NAA25: variants seen among roughly 807,000 people sequenced by gnomAD.
NAA25 encodes the protein N-alpha-acetyltransferase 25, NatB auxiliary subunit, also known as N-terminal acetyltransferase B complex subunit NAA25.
NAA25 carries 30 observed loss-of-function variants against 132.5 expected under a neutral mutation model. The ratio of observed to expected loss-of-function variants is 0.23; its 90% CI spans 0.17 to 0.31. The LOEUF is 0.31. Among genes scored for constraint, NAA25 ranks in the 10% least tolerant of loss-of-function variants. NAA25 has a pLI of 1.00. For synonymous variants in NAA25, 359 were observed against 401.9 expected (o/e 0.89, Z 1.28); for missense variants, 771 against 1,150.4 (o/e 0.67, Z 4.77).
chr12:112,068,209 T>C (rs145635277), intron 11 of NAA25, among the ~76,000 whole-genome samples: 2 of 152,276 alleles, frequency 1.3e-5, no homozygotes, highest in Non-Finnish European at 2.9e-5. Context: ...CTGGCTGTAC[T>C]TCACATTCAA....
chr12:112,094,021 C>T (rs918266994), intron 1 of NAA25, among the ~76,000 whole-genome samples: 25 of 151,932 alleles, frequency 1.6e-4, no homozygotes, highest in Admixed American at 1.1e-3. Context: ...GGGTGGATCA[C>T]GAAGTCAGGA....
chr12:112,053,580 A>C lies in NAA25; in HGVS notation c.1706T>G (p.Phe569Cys), dbSNP rs1293596152. The change falls in exon 15 of 24, where the codon TTT (phenylalanine) becomes TGT (cysteine). Residue 569 changes from phenylalanine to cysteine, a missense_variant. Coordinates refer to ENST00000261745, the MANE Select transcript of NAA25 (RefSeq NM_024953.4). ...TACATCTTTCTGGTTGGAGTGAAAA[A>C]ACCTGAGTGCGAAGTTACAGGATTG... The part of the protein sequence containing the change: ...ASQSCNFALR[F>C]FHSNQKDTSE... 1.9e-6 allele frequency: 3 copies of C among 1,606,992 alleles called. No individual in the cohort carries two copies.
intron 1 of NAA25, among the ~76,000 whole-genome samples, chr12:112,098,991 CTT>C (rs545549893): frequency 7.6e-5 from 11 of 144,518 alleles, no homozygotes; most frequent in Admixed American, 1.4e-4. Flanking sequence ...TTGCTAGTAT[CTT>C]TTTTTTTTTT....
At chr12:112,056,865 T>C (rs905132403) in intron 13 of NAA25, among the ~76,000 whole-genome samples, 3 of 152,190 alleles carry the variant, frequency 2.0e-5, no homozygotes, top group African/African-American at 7.2e-5. Flanking sequence ...TTCTCTCACC[T>C]ATAAAACTGT....
At chr12:112,062,393 T>G (rs113502586) in intron 11 of NAA25, among the ~76,000 whole-genome samples, 5 of 119,452 alleles carry the variant, frequency 4.2e-5, no homozygotes, top group South Asian at 2.6e-4. Context: ...AGAGCGAGAC[T>G]CCATCTCAAA....
At chr12:112,040,666 TA>T (rs992028832) in intron 20 of NAA25, 88 bp from the exon 21 acceptor site, 3 of 708,876 alleles carry the variant, frequency 4.2e-6, no homozygotes, top group African/African-American at 3.7e-5. Context: ...AATAAGCAAA[TA>T]AAAATTTAAT....
intron 13 of NAA25, among the ~76,000 whole-genome samples, chr12:112,056,961 G>A (rs376970384): frequency 9.9e-5 from 15 of 152,112 alleles, no homozygotes; most frequent in African/African-American, 2.2e-4. Context: ...AGGCTGAGGC[G>A]GGCGGATCAC....
chr12:112,078,788 A>G, intron 5 of NAA25, 47 bp from the exon 6 acceptor site: 1 of 1,448,182 alleles, frequency 6.9e-7, no homozygotes, highest in South Asian at 1.2e-5. Flanking sequence ...CCCTGCTTGC[A>G]CTATTGATAT....
At chr12:112,032,082 G>A (rs2078156520) in intron 23 of NAA25, among the ~76,000 whole-genome samples, 1 of 151,566 alleles carries the variant, frequency 6.6e-6, no homozygotes. Flanking sequence ...CCCTGCCTCA[G>A]CCTCCCGAGT....
Position 112,049,140 on chromosome 12 carries a change from C to T in NAA25, c.1729-697G>A, listed in dbSNP as rs1393836824. On this transcript the variant is annotated intron_variant, in intron 15 of 23. Coordinates refer to ENST00000261745, the MANE Select transcript of NAA25 (RefSeq NM_024953.4). This position sits in a 1 kb window ranked among gnomAD's most constrained non-coding sequence, Gnocchi z 4.7. Reference sequence around the variant, plus strand: ...ACAAGTATGTGAAGGGAACATTCACCACATGTGCTTTAATTGTAGCTTAAT... The same window carrying T: ...ACAAGTATGTGAAGGGAACATTCACTACATGTGCTTTAATTGTAGCTTAAT... 6.6e-6 allele frequency among the ~76,000 whole-genome samples: 1 copy of T among 152,120 alleles called. No individual in the cohort carries two copies. Among genetic ancestry groups the T allele is most frequent in the Non-Finnish European group, 1.5e-5 (1 of 68,028 alleles).
chr12:112,037,275 C>CATACATATAT (rs1177172229), intron 22 of NAA25, among the ~76,000 whole-genome samples: 2 of 65,160 alleles, frequency 3.1e-5, no homozygotes, highest in African/African-American at 4.6e-5. Context: ...TTAAAAAATA[C>CATACATATAT]ATATATATAT....
At chr12:112,067,911 A>G (rs2078743075) in intron 11 of NAA25, among the ~76,000 whole-genome samples, 1 of 151,508 alleles carries the variant, frequency 6.6e-6, no homozygotes. Context: ...AATTTTTTGT[A>G]TTTTTAGTAG....
rs142595584 is a variant in NAA25 at position 112,094,134 on chromosome 12, G to A, written c.59-998C>T. Reference sequence around the variant, plus strand: ...TGGGCTCCTGCAGTCCCAGCTACTGGGGAGGCTGAGACAGGAGAATGGCGT... The same window carrying A: ...TGGGCTCCTGCAGTCCCAGCTACTGAGGAGGCTGAGACAGGAGAATGGCGT... On this transcript the variant is annotated intron_variant, in intron 1 of 23. Transcript: ENST00000261745. Among the ~76,000 whole-genome samples the A allele has an allele frequency of 4.9e-3, 739 of 151,438 alleles. 10 individuals carry two copies. The highest frequency in any genetic ancestry group is 0.017 in the African/African-American group (681 of 41,262).
At chr12:112,102,768 C>T (rs1042627114) in intron 1 of NAA25, among the ~76,000 whole-genome samples, 3 of 150,338 alleles carry the variant, frequency 2.0e-5, no homozygotes, top group African/African-American at 7.3e-5. Context: ...CTCACTGCAA[C>T]CTCCGCCTCC....
chr12:112,035,607 G>A (rs1371307620), intron 22 of NAA25, among the ~76,000 whole-genome samples: 1 of 151,888 alleles, frequency 6.6e-6, no homozygotes, highest in Non-Finnish European at 1.5e-5. Flanking sequence ...ACTCAGCAGA[G>A]CATCCAATCT....
chr12:112,042,007 C>T (rs149085374), intron 20 of NAA25, 32 bp downstream of exon 20: 1 of 1,296,510 alleles, frequency 7.7e-7, no homozygotes, highest in African/African-American at 1.6e-5. Flanking sequence ...CAACCAGATA[C>T]AAATACAGGA....
intron 11 of NAA25, among the ~76,000 whole-genome samples, chr12:112,066,139 C>T (rs1436271512): frequency 1.3e-5 from 2 of 152,126 alleles, no homozygotes; most frequent in Non-Finnish European, 2.9e-5. Context: ...CTCAAACACA[C>T]CAATGAAGTA....
At chr12:112,095,406 C>T (rs1178824277) in intron 1 of NAA25, among the ~76,000 whole-genome samples, 2 of 151,162 alleles carry the variant, frequency 1.3e-5, no homozygotes, top group Admixed American at 1.3e-4. Flanking sequence ...CACTGCACTC[C>T]AGCCTGAGTG....
At chr12:112,093,671 G>A (rs1280262589) in intron 1 of NAA25, among the ~76,000 whole-genome samples, 1 of 152,144 alleles carries the variant, frequency 6.6e-6, no homozygotes, top group Non-Finnish European at 1.5e-5. Flanking sequence ...CTTGAGCCCA[G>A]GAATTCGAGA....
Sources: allele counts gnomAD v4.1 joint callset (sites outside exome capture counted in the v4.1 genomes callset), GRCh38; gene constraint gnomAD v4.1.1; non-coding constraint Gnocchi (gnomAD v3.1); transcripts MANE v1.5; gene names NCBI Gene and HGNC (gene_info 2026-07-23, HGNC 2026-07-21).